Variants in ANKRD26 observed in about 807,000 individuals in gnomAD.
ANKRD26 encodes the protein ankyrin repeat domain 26.
Under a neutral mutation model 208.7 loss-of-function variants are expected in ANKRD26, and 141 were observed. The ratio of observed to expected loss-of-function variants is 0.68; its 90% CI spans 0.59 to 0.78. The LOEUF is 0.78. Among genes scored for constraint, ANKRD26 ranks in the 30% least tolerant of loss-of-function variants. ANKRD26 has a pLI of 0.00. For synonymous variants in ANKRD26, 636 were observed against 660.4 expected, an observed-to-expected ratio of 0.96 and a Z score of 0.57; for missense variants, 1,889 against 1,938.7, an observed-to-expected ratio of 0.97 and a Z score of 0.48.
intron 16 of ANKRD26, among the ~76,000 whole-genome samples, chr10:27,050,219 CAAAAAAAAAAAAAA>C (rs67384671): frequency 1.8e-4 from 6 of 33,038 alleles, no homozygotes; most frequent in African/African-American, 5.3e-4. Flanking sequence ...GAATCTGTCT[CAAAAAAAAAAAAAA>C]AAAAAAAAAA....
At chr10:27,071,158 CAT>C (rs1491324878) in intron 9 of ANKRD26, among the ~76,000 whole-genome samples, 3,219 of 128,196 alleles carry the variant, frequency 0.025, 127 homozygotes, top group East Asian at 0.1. Context: ...TTGCTACATT[CAT>C]TTTTTTTTTT....
In ANKRD26 at chr10:27,005,476, A is replaced by G; in HGVS notation, c.*114T>C. On this transcript the variant is annotated 3_prime_UTR_variant, in exon 34 of 34. Coordinates refer to ENST00000376087, the MANE Select transcript of ANKRD26 (RefSeq NM_014915.3). Reference sequence around the variant, plus strand: ...TGTTTAAAATACTATATAAATTTTGATCTGACATATATGATACAAAAATAC... The same window carrying G: ...TGTTTAAAATACTATATAAATTTTGGTCTGACATATATGATACAAAAATAC... 1.3e-6 allele frequency: 2 copies of G among 1,486,172 alleles called. No individual in the cohort carries two copies. The highest frequency in any genetic ancestry group is 1.8e-6 in the Non-Finnish European group (2 of 1,122,322). The allele number at this position is 1,486,172 out of a possible 1,614,324, so 92.1% of individuals were successfully genotyped here. A position where few individuals can be genotyped will look rare whatever the true frequency, so the allele number is the denominator to read the frequency against.
At chr10:26,956,335 G>C in the ANKRD26 span, among the ~76,000 whole-genome samples, 1 of 152,008 alleles carries the variant, frequency 6.6e-6, no homozygotes, top group African/African-American at 2.4e-5. Context: ...AAAAATTTCT[G>C]AACCATCTAA....
intron 27 of ANKRD26, among the ~76,000 whole-genome samples, chr10:27,027,740 A>G (rs140272675): frequency 2.6e-5 from 4 of 152,184 alleles, no homozygotes; most frequent in Admixed American, 6.5e-5. Context: ...ATATTCTTAC[A>G]TACAGATAGT....
In ANKRD26 at chr10:26,976,749, C is replaced by T. The variant is rs74975859; in HGVS notation, c.*282-707G>A. 1.1e-4 allele frequency among the ~76,000 whole-genome samples: 16 copies of T among 152,212 alleles called. No homozygotes were observed. In the East Asian group the frequency reaches 2.1e-3, roughly 20 times the overall value. On this transcript the variant is annotated intron_variant and NMD_transcript_variant, in intron 5 of 5. Transcript: ENST00000674670. ...TCACTGCGTGTGCAAAGGACTTTCT[C>T]GTGGCACAGCAGCCAGGATGGGCTT...
downstream of ANKRD26, among the ~76,000 whole-genome samples, chr10:26,988,459 T>C (rs565280462): frequency 8.7e-4 from 132 of 152,134 alleles, no homozygotes; most frequent in Non-Finnish European, 1.6e-3. Flanking sequence ...TGGATAAGCA[T>C]AGAGCCTCAG....
intron 15 of ANKRD26, among the ~76,000 whole-genome samples, chr10:27,058,938 G>C (rs754774083): frequency 6.8e-6 from 1 of 147,258 alleles, no homozygotes; most frequent in African/African-American, 2.5e-5. Flanking sequence ...TTTTTCAGAC[G>C]TTGTCTCGCT....
Position 27,077,338 on chromosome 10 carries a change from C to T in ANKRD26, c.1077G>A (p.Lys359=). The change falls in exon 9 of 34, where the codon AAG becomes AAA. Residue 359 remains lysine (K), a splice_region_variant and synonymous_variant. Coordinates refer to ENST00000376087, the MANE Select transcript of ANKRD26 (RefSeq NM_014915.3). ...HKSLANPGLM[K]EEPTKPGIAK... is the part of the protein sequence containing the mutation. ...AAAAGTTTTTTAAAAAACAACTTAC[C>T]TTCATAAGACCAGGGTTTGCTAACG... is the stretch of plus-strand genomic sequence containing the variant. The T allele has an allele frequency of 6.2e-7, 1 of 1,612,078 alleles. No homozygotes were observed. The highest frequency in any genetic ancestry group is 8.5e-7 in the Non-Finnish European group (1 of 1,178,278).
rs550222080 is a variant in ANKRD26 at position 27,021,137 on chromosome 10, CTGT to C, written c.4215+1418_4215+1420del. On this transcript the variant is annotated intron_variant, in intron 29 of 33. Transcript: ENST00000376087. ...CCTGCATTCTTGGAAACCTCAGCGT[CTGT>C]TGTTTTCACCTTTATGTATCTGTAT... Among the ~76,000 whole-genome samples the C allele has an allele frequency of 1.6e-3, 246 of 152,284 alleles. 1 individual carries two copies. The highest frequency in any genetic ancestry group is 5.8e-3 in the African/African-American group (243 of 41,562).
Position 27,093,403 on chromosome 10 carries a change from T to C in ANKRD26, c.477A>G (p.Ile159Met), listed in dbSNP as rs1268958286. 1 of 1,614,200 alleles carries C rather than the reference T, an allele frequency of 6.2e-7. No individual in the cohort carries two copies. Among genetic ancestry groups the C allele is most frequent in the Non-Finnish European group, 8.5e-7 (1 of 1,180,026 alleles). The change falls in exon 3 of 34, where the codon ATA becomes ATG. Residue 159 changes from isoleucine to methionine, a missense_variant. Physicochemically the swap from Ile to Met is conservative, Grantham distance 10. This residue lies in a region of ANKRD26 where 1,272 missense variants were observed against 1,273.8 expected (regional missense o/e 1.00). Transcript: ENST00000376087. ...ACAAAAGCAGCTTTGTTGCTACTGA[T>C]ATGTCCTCATTATAGACAGCATAGT... ...ALHYAVYNED[I>M]SVATKLLLYD...
intron 17 of ANKRD26, among the ~76,000 whole-genome samples, chr10:27,047,719 CTACTAATAA>C (rs1402281006): frequency 3.0e-5 from 3 of 100,510 alleles, no homozygotes; most frequent in Admixed American, 1.0e-4. Flanking sequence ...ACTACTACTA[CTACTAATAA>C]TAATAATAAT....
downstream of ANKRD26, among the ~76,000 whole-genome samples, chr10:27,002,775 T>C (rs111885959): frequency 1.9e-3 from 285 of 152,364 alleles, no homozygotes; most frequent in Admixed American, 3.5e-3. Flanking sequence ...AACACAAAAA[T>C]AGTGTTCAAA....
intron 6 of ANKRD26, chr10:27,080,876 C>A (rs1383006399): frequency 3.0e-6 from 3 of 985,304 alleles, no homozygotes; most frequent in Non-Finnish European, 1.2e-6. Context: ...GACTTGCCAG[C>A]TAATCCTACC....
rs764763153 is a variant in ANKRD26 at position 27,017,759 on chromosome 10, C to G, written c.4249G>C (p.Gly1417Arg). The change falls in exon 30 of 34, where the codon GGT becomes CGT. Residue 1417 changes from glycine to arginine, a missense_variant. Gly to Arg is a moderately radical substitution (Grantham distance 125). This residue lies in a region of ANKRD26 where 613 missense variants were observed against 648.2 expected (regional missense o/e 0.95). Coordinates refer to ENST00000376087, the MANE Select transcript of ANKRD26 (RefSeq NM_014915.3). ...GTATCCAGATGTAGACATTTTGAAC[C>G]TGCAGTCTCCAGTTCTGCTGTAAGA... is the stretch of plus-strand genomic sequence containing the variant. ...DDLTAELETA[G>R]SKCLHLDTKN... is the part of the protein sequence containing the mutation. 2.0e-5 allele frequency: 32 copies of G among 1,612,882 alleles called. No homozygotes were observed. Among genetic ancestry groups the G allele is most frequent in the Admixed American group, 1.7e-4 (10 of 59,952 alleles).
intron 9 of ANKRD26, among the ~76,000 whole-genome samples, chr10:27,070,607 G>A (rs1334624409): frequency 6.6e-6 from 1 of 151,790 alleles, no homozygotes; most frequent in African/African-American, 2.4e-5. Flanking sequence ...GCTTCCTGAC[G>A]AGAATATAAA....
At chr10:27,100,011 C>T in intron 1 of ANKRD26, 74 bp downstream of exon 1, 1 of 1,604,322 alleles carries the variant, frequency 6.2e-7, no homozygotes, top group Admixed American at 1.7e-5. Context: ...CCCTGGGTGG[C>T]TCCCACAAAA....
the ANKRD26 span, among the ~76,000 whole-genome samples, chr10:26,956,737 A>G: frequency 6.6e-6 from 1 of 152,132 alleles, no homozygotes; most frequent in Non-Finnish European, 1.5e-5. Context: ...AGGTCCCTTT[A>G]CCAAGATCCA....
At chr10:27,055,340 G>C (rs1048857253) in intron 15 of ANKRD26, among the ~76,000 whole-genome samples, 2 of 152,134 alleles carry the variant, frequency 1.3e-5, no homozygotes, top group Admixed American at 6.5e-5. Flanking sequence ...GAAGAAATGA[G>C]AGCAAACAAG....
chr10:26,995,863 T>C (rs1003050936), intron 4 of ANKRD26, among the ~76,000 whole-genome samples: 1 of 152,180 alleles, frequency 6.6e-6, no homozygotes, highest in Non-Finnish European at 1.5e-5. Context: ...GGATGAGCAC[T>C]GAGTCCTGGG....
Sources: allele counts gnomAD v4.1 joint callset (sites outside exome capture counted in the v4.1 genomes callset), GRCh38; gene constraint gnomAD v4.1.1; regional missense constraint gnomAD v4.1.1; transcripts MANE v1.5; gene names NCBI Gene and HGNC (gene_info 2026-07-23, HGNC 2026-07-21).